The following UBA2 variants were observed in gnomAD, a reference collection of about 807,000 sequenced individuals.
UBA2 encodes the protein ubiquitin like modifier activating enzyme 2, also known as SUMO-activating enzyme subunit 2.
UBA2 carries 11 observed loss-of-function variants against 77.2 expected under a neutral mutation model. The ratio of observed to expected loss-of-function variants is 0.14; its 90% CI spans 0.09 to 0.24. The LOEUF (loss-of-function observed/expected upper bound fraction) is 0.24. Ranked by LOEUF, UBA2 falls within the 10% of genes least tolerant of loss-of-function variation. The probability of loss-of-function intolerance (pLI) is 1.00; values close to 1 mark genes in which losing one functional copy is unlikely to be tolerated. For synonymous variants in UBA2, 278 were observed against 276.7 expected, an observed-to-expected ratio of 1.00 and a Z score of -0.05; for missense variants, 487 against 781.7, an observed-to-expected ratio of 0.62 and a Z score of 4.50.
intron 6 of UBA2, among the ~76,000 whole-genome samples, chr19:34,440,776 A>G (rs2075359977): frequency 6.6e-6 from 1 of 152,092 alleles, no homozygotes; most frequent in Non-Finnish European, 1.5e-5. Context: ...AAAATACAAA[A>G]TTAGCCGGAC....
chr19:34,437,380 C>A (rs575042460), intron 5 of UBA2, among the ~76,000 whole-genome samples: 16 of 150,974 alleles, frequency 1.1e-4, no homozygotes, highest in Admixed American at 5.3e-4. Context: ...GAGGCCAAGG[C>A]GGGCGGATCA....
At chr19:34,430,979 C>T (rs2075246558) in intron 2 of UBA2, among the ~76,000 whole-genome samples, 1 of 152,062 alleles carries the variant, frequency 6.6e-6, no homozygotes. Flanking sequence ...GCTAGAGGAG[C>T]GTTATGCTGC....
intron 12 of UBA2, among the ~76,000 whole-genome samples, chr19:34,455,892 G>C (rs34620023): frequency 6.6e-6 from 1 of 151,590 alleles, no homozygotes. Flanking sequence ...CGCCCACCTC[G>C]GCCTCCCAAA....
chr19:34,436,684 G>A (rs2075312359), intron 5 of UBA2, among the ~76,000 whole-genome samples: 1 of 152,122 alleles, frequency 6.6e-6, no homozygotes, highest in African/African-American at 2.4e-5. Context: ...GTTAAATATT[G>A]TAGTTACATT....
At chr19:34,446,896 G>A (rs182531760) in intron 8 of UBA2, among the ~76,000 whole-genome samples, 37 of 152,228 alleles carry the variant, frequency 2.4e-4, no homozygotes, top group South Asian at 1.5e-3. Context: ...ATGAGCCGTC[G>A]TGCCCAGCCC....
chr19:34,451,356 GA>G (rs2075493946), intron 9 of UBA2, among the ~76,000 whole-genome samples: 2 of 151,982 alleles, frequency 1.3e-5, no homozygotes, highest in African/African-American at 4.8e-5. Flanking sequence ...AACAATCAGG[GA>G]TAGTTATCAA....
intron 13 of UBA2, among the ~76,000 whole-genome samples, chr19:34,459,577 TG>T (rs2075608740): frequency 1.3e-5 from 2 of 152,182 alleles, no homozygotes; most frequent in East Asian, 1.9e-4. Flanking sequence ...AGGGAAGAAA[TG>T]GGGGTTTAGG....
Position 34,436,269 on chromosome 19 carries a change from C to T in UBA2, c.459+1301C>T, listed in dbSNP as rs553380554. Among the ~76,000 whole-genome samples, 6 of 151,930 alleles carry T rather than the reference C, an allele frequency of 3.9e-5. No homozygotes were observed. The South Asian group carries it at 1.3e-3, about 32-fold the overall frequency. ...TAATAGAACAAAATACCTGTGTGCT[C>T]ATACCTCAGTTTTGTTTTGGTTTAT... On this transcript the variant is annotated intron_variant, in intron 5 of 16. Coordinates refer to ENST00000246548, the MANE Select transcript of UBA2 (RefSeq NM_005499.3).
At chr19:34,459,652 T>C (rs888986820) in intron 13 of UBA2, among the ~76,000 whole-genome samples, 1 of 152,190 alleles carries the variant, frequency 6.6e-6, no homozygotes, top group African/African-American at 2.4e-5. Context: ...GAGATTTTCT[T>C]TTTTTATGAC....
At chr19:34,451,036 A>C (rs2075488981) in intron 9 of UBA2, among the ~76,000 whole-genome samples, 1 of 152,146 alleles carries the variant, frequency 6.6e-6, no homozygotes, top group African/African-American at 2.4e-5. Flanking sequence ...TATGTTGCCC[A>C]GATTAGAGTG....
In UBA2 at chr19:34,444,095, T is replaced by C. The variant is rs571171245; in HGVS notation, c.649+184T>C. On this transcript the variant is annotated intron_variant, in intron 7 of 16. Transcript: ENST00000246548. ...TCTCAGAGGTGGAGTTTCTCTCTTA[T>C]TGCCCAGGCTGGAGTACAATGGTAT... 2.9e-3 allele frequency among the ~76,000 whole-genome samples: 407 copies of C among 140,988 alleles called. 2 individuals are homozygous for C. The highest frequency in any genetic ancestry group is 9.6e-3 in the African/African-American group (380 of 39,636). The allele number at this position is 140,988 out of a possible 152,430, so 92.5% of individuals were successfully genotyped here. A position where few individuals can be genotyped will look rare whatever the true frequency, so the allele number is the denominator to read the frequency against.
At chr19:34,449,195 G>A (rs943206801) in intron 8 of UBA2, among the ~76,000 whole-genome samples, 10 of 148,028 alleles carry the variant, frequency 6.8e-5, no homozygotes, top group African/African-American at 2.0e-4. Flanking sequence ...TCAGCCTCCC[G>A]AGTAGCTGGG....
intron 15 of UBA2, 104 bp from the exon 16 acceptor site, chr19:34,466,774 A>T: frequency 1.2e-6 from 1 of 819,222 alleles, no homozygotes; most frequent in Non-Finnish European, 1.8e-6. Context: ...GAATCCACAT[A>T]TTTGGTGTAT....
intron 8 of UBA2, among the ~76,000 whole-genome samples, chr19:34,446,553 T>A (rs2145524233): frequency 6.6e-6 from 1 of 152,252 alleles, no homozygotes; most frequent in African/African-American, 2.4e-5. Flanking sequence ...CCCCAGCTTG[T>A]ATTTCGTCTT....
intron 13 of UBA2, among the ~76,000 whole-genome samples, chr19:34,459,963 A>G (rs1374758078): frequency 6.6e-6 from 1 of 152,142 alleles, no homozygotes; most frequent in Non-Finnish European, 1.5e-5. Flanking sequence ...TTATTCCTCT[A>G]TTTGTAGGAT....
In UBA2 at chr19:34,443,397, A is replaced by G. The variant is rs542778905; in HGVS notation, c.582-447A>G. 2.9e-4 allele frequency among the ~76,000 whole-genome samples: 43 copies of G among 150,230 alleles called. 1 individual carries two copies. In the South Asian group the frequency reaches 8.2e-3, roughly 29 times the overall value. ...ATTGGGATGCAAGCTGTCCAAGCAC[A>G]TTGTGTTAAACTTTTAAGTTTATAG... On this transcript the variant is annotated intron_variant, in intron 6 of 16. Transcript: ENST00000246548.
rs768668419 is a variant in UBA2, at chr19:34,450,226, G to A, written c.772-39G>A. 8.6e-6 allele frequency: 12 copies of A among 1,397,968 alleles called. 1 individual carries two copies. In the African/African-American group the frequency reaches 8.6e-5, roughly 10 times the overall value. 86.6% of individuals were successfully genotyped at this position (1,397,968 alleles called of 1,614,324 possible). Reference sequence around the variant, plus strand: ...CGTTTTCTTGTATCTTATCAATTAGGGATTATGGGGTTCATGGGATCTGTC... The same window carrying A: ...CGTTTTCTTGTATCTTATCAATTAGAGATTATGGGGTTCATGGGATCTGTC... On this transcript the variant is annotated intron_variant, in intron 8 of 16. Coordinates refer to ENST00000246548, the MANE Select transcript of UBA2 (RefSeq NM_005499.3).
chr19:34,440,556 A>G (rs1378131258), intron 6 of UBA2, among the ~76,000 whole-genome samples: 2 of 152,192 alleles, frequency 1.3e-5, no homozygotes, highest in Non-Finnish European at 2.9e-5. Context: ...AAACCTGTCA[A>G]GGCCATTATG....
intron 8 of UBA2, 29 bp from the exon 9 acceptor site, chr19:34,450,236 G>A: frequency 6.7e-7 from 1 of 1,502,160 alleles, no homozygotes; most frequent in Non-Finnish European, 9.2e-7. Context: ...GGATTATGGG[G>A]TTCATGGGAT....
Sources: gnomAD v4.1 joint callset for allele counts (sites outside exome capture counted in the v4.1 genomes callset) on GRCh38, gnomAD v4.1.1 for gene constraint, MANE v1.5 for transcripts, NCBI Gene and HGNC (gene_info 2026-07-23, HGNC 2026-07-21) for gene names.